Variants in MBTPS2 observed in about 807,000 individuals in gnomAD.
The protein encoded by MBTPS2 is membrane-bound transcription factor site-2 protease.
A neutral mutation model predicts 35.4 loss-of-function variants in MBTPS2; 2 were observed. The ratio of observed to expected loss-of-function variants is 0.06; its 90% CI spans 0.02 to 0.18. MBTPS2 has a LOEUF of 0.18. Ranked by LOEUF, MBTPS2 falls within the 10% of genes least tolerant of loss-of-function variation. The pLI is 1.00. For synonymous variants in MBTPS2, 125 were observed against 140.4 expected (o/e 0.89, Z 0.77); for missense variants, 244 against 386.5 (o/e 0.63, Z 3.09).
chrX:21,854,954 G>C (rs1023695818), intron 5 of MBTPS2, among the ~76,000 whole-genome samples: 1 of 111,817 alleles, frequency 8.9e-6, no homozygotes, highest in African/African-American at 3.2e-5. Flanking sequence ...AAATTATGAT[G>C]ATGAAATCAT....
intron 3 of MBTPS2, among the ~76,000 whole-genome samples, chrX:21,851,040 A>G (rs1164355912): frequency 1.8e-5 from 2 of 111,930 alleles, no homozygotes; most frequent in Admixed American, 1.9e-4. Context: ...TGGAGTTCCT[A>G]TATTAATCAA....
rs780774875 is a variant in MBTPS2, at chrX:21,851,469, C to A, written c.439-40C>A. Reference sequence around the variant, plus strand: ...AGTGCCCAAGTGGGACTCCCCTGCACCCCCACTGATAATTGCTGCCATATT... The same window carrying A: ...AGTGCCCAAGTGGGACTCCCCTGCAACCCCACTGATAATTGCTGCCATATT... On this transcript the variant is annotated intron_variant, in intron 3 of 10. Transcript: ENST00000379484. The A allele has an allele frequency of 1.2e-5, 10 of 853,122 alleles. No homozygotes were observed. The African/African-American group carries it at 2.0e-4, about 17-fold the overall frequency. The allele number at this position is 853,122 out of a possible 1,213,427, so 70.3% of individuals were successfully genotyped here.
chrX:21,853,430 A>G lies in MBTPS2; in HGVS notation c.597A>G (p.Gly199=). 1 of 1,200,083 alleles carries G rather than the reference A, an allele frequency of 8.3e-7. No individual in the cohort carries two copies. The highest frequency in any genetic ancestry group is 1.1e-6 in the Non-Finnish European group (1 of 885,256). ...FGIFLFIIYP[G]AFVDLFTTHL... ...TTTTTCTCTTCATTATTTATCCTGG[A>G]GCATTTGTTGATCTGTTCACCACTC... Residue 199 remains glycine, a synonymous_variant, in exon 5 of 11, where the codon GGA becomes GGG. Coordinates refer to ENST00000379484, the MANE Select transcript of MBTPS2 (RefSeq NM_015884.4).
intron 5 of MBTPS2, among the ~76,000 whole-genome samples, chrX:21,860,549 G>C: frequency 8.9e-6 from 1 of 112,582 alleles, no homozygotes; most frequent in Non-Finnish European, 1.9e-5. Context: ...TTGTTCAGAT[G>C]AAAGAAATGT....
chrX:21,868,048 C>T (rs1051602097), intron 5 of MBTPS2, among the ~76,000 whole-genome samples: 5 of 111,807 alleles, frequency 4.5e-5, no homozygotes. Context: ...CTTAAAACAA[C>T]CTCCTTTTTC....
chrX:21,879,900 A>G (rs185388253), intron 9 of MBTPS2, among the ~76,000 whole-genome samples: 2 of 95,724 alleles, frequency 2.1e-5, no homozygotes, highest in Non-Finnish European at 4.1e-5. Context: ...GATAGACCAC[A>G]TTTTCTTTAT....
intron 5 of MBTPS2, among the ~76,000 whole-genome samples, chrX:21,863,196 A>G (rs1350435386): frequency 3.1e-5 from 3 of 95,618 alleles, no homozygotes; most frequent in Non-Finnish European, 6.2e-5. Flanking sequence ...TGAGCCCAGG[A>G]GGCGGAGGTT....
intron 7 of MBTPS2, among the ~76,000 whole-genome samples, chrX:21,875,227 A>G (rs767376587): frequency 1.8e-3 from 202 of 111,987 alleles, no homozygotes; most frequent in Non-Finnish European, 3.2e-3. Flanking sequence ...TGGCTTGCCC[A>G]GTGTTTTTAA....
At chrX:21,857,753 T>TA in intron 5 of MBTPS2, 2 of 640,969 alleles carry the variant, frequency 3.1e-6, no homozygotes, top group Non-Finnish European at 4.6e-6. Flanking sequence ...GTTAGAGTAG[T>TA]AAAAATAGAA....
At chrX:21,842,624 G>T (rs1417074866) in intron 1 of MBTPS2, among the ~76,000 whole-genome samples, 1 of 111,355 alleles carries the variant, frequency 9.0e-6, no homozygotes, top group Non-Finnish European at 1.9e-5. Flanking sequence ...CACCAATAGT[G>T]TATGTTGATT....
In MBTPS2 at chrX:21,883,328, GGT is replaced by G; in HGVS notation, c.*676_*677del. 1.3e-6 allele frequency: 1 copy of G among 755,566 alleles called. No homozygotes were observed. Among genetic ancestry groups the G allele is most frequent in the Non-Finnish European group, 1.6e-6 (1 of 640,305 alleles). 62.3% of individuals were successfully genotyped at this position (755,566 alleles called of 1,213,427 possible). On this transcript the variant is annotated 3_prime_UTR_variant, in exon 11 of 11. Coordinates refer to ENST00000379484, the MANE Select transcript of MBTPS2 (RefSeq NM_015884.4). ...CCCACAAGAGTTGCATCTTTTATAA[GGT>G]GTCTCTGCCCCCTCATAAAGCAGCA... is the stretch of plus-strand genomic sequence containing the variant.
At chrX:21,840,162 C>T (rs2092901205) in intron 1 of MBTPS2, among the ~76,000 whole-genome samples, 1 of 112,454 alleles carries the variant, frequency 8.9e-6, no homozygotes, top group African/African-American at 3.2e-5. Context: ...ACAGTGCTTT[C>T]CCTTATTGTT....
intron 6 of MBTPS2, among the ~76,000 whole-genome samples, chrX:21,868,999 C>T (rs1367577800): frequency 8.9e-6 from 1 of 112,599 alleles, no homozygotes; most frequent in Non-Finnish European, 1.9e-5. Flanking sequence ...CTCTGTATTT[C>T]ACTCCCTTAG....
intron 5 of MBTPS2, among the ~76,000 whole-genome samples, chrX:21,858,998 G>T (rs781119963): frequency 2.7e-4 from 29 of 108,793 alleles, no homozygotes; most frequent in Admixed American, 1.4e-3. Flanking sequence ...TTAAGGTCAG[G>T]AGTTCAAGAC....
chrX:21,860,134 C>T (rs1454458319), intron 5 of MBTPS2, among the ~76,000 whole-genome samples: 1 of 109,032 alleles, frequency 9.2e-6, no homozygotes, highest in Non-Finnish European at 1.9e-5. Context: ...AGGGGCTGGG[C>T]GCAGGGCTCC....
chrX:21,859,763 G>A (rs6528059), intron 5 of MBTPS2, among the ~76,000 whole-genome samples: 49,256 of 110,187 alleles, frequency 0.45, 8,150 homozygotes, highest in East Asian at 0.6. Context: ...CCTACAATGC[G>A]CAGACAGCCC....
At chrX:21,863,755 C>T (rs1020022306) in intron 5 of MBTPS2, among the ~76,000 whole-genome samples, 3 of 111,519 alleles carry the variant, frequency 2.7e-5, no homozygotes, top group Non-Finnish European at 5.6e-5. Context: ...TAACTAGTCC[C>T]GCTATCCCAA....
chrX:21,852,001 A>AAT (rs2147433709), intron 4 of MBTPS2, among the ~76,000 whole-genome samples: 1 of 112,072 alleles, frequency 8.9e-6, no homozygotes, highest in African/African-American at 3.2e-5. Context: ...TATCAGCTGA[A>AAT]ATAATTTCCT....
At chrX:21,857,233 C>A (rs746989221) in intron 5 of MBTPS2, 18 of 1,210,228 alleles carry the variant, frequency 1.5e-5, no homozygotes, top group Non-Finnish European at 2.0e-5. Flanking sequence ...AAAGGAGAAC[C>A]TCCCAAAACA....
Sources: gnomAD v4.1 joint callset for allele counts (sites outside exome capture counted in the v4.1 genomes callset) on GRCh38, gnomAD v4.1.1 for gene constraint, MANE v1.5 for transcripts, NCBI Gene and HGNC (gene_info 2026-07-23, HGNC 2026-07-21) for gene names.